The following PHTF1 variants were observed in gnomAD, a reference collection of about 807,000 sequenced individuals.
The protein encoded by PHTF1 is protein PHTF1.
Under a neutral mutation model 102.4 loss-of-function variants are expected in PHTF1, and 88 were observed. The ratio of observed to expected loss-of-function variants is 0.86; its 90% CI spans 0.72 to 1.03. The LOEUF (loss-of-function observed/expected upper bound fraction) is 1.03, where lower values mean the gene tolerates loss of function less well. Among genes scored for constraint, PHTF1 ranks in the 50% least tolerant of loss-of-function variants. The pLI is 0.00. For missense variants in PHTF1, 814 were observed against 909.5 expected, an observed-to-expected ratio of 0.89 and a Z score of 1.35; for synonymous variants, 289 against 305.2, an observed-to-expected ratio of 0.95 and a Z score of 0.55.
intron 10 of PHTF1, among the ~76,000 whole-genome samples, chr1:113,711,037 T>C (rs971193215): frequency 6.6e-6 from 1 of 152,048 alleles, no homozygotes; most frequent in Non-Finnish European, 1.5e-5. Context: ...ATGGAACTGA[T>C]CAACTAAGGT....
At position 113,711,807 on chromosome 1, in the gene PHTF1, T is replaced by C. The variant is rs1651132989; in HGVS notation, c.986A>G (p.His329Arg). 15 of 1,613,900 alleles carry C rather than the reference T, an allele frequency of 9.3e-6. No homozygotes were observed. In the East Asian group the frequency reaches 3.1e-4, roughly 34 times the overall value. The change falls in exon 10 of 19, where the codon CAT becomes CGT. Residue 329 changes from histidine to arginine, a missense_variant. Coordinates refer to ENST00000369604, the MANE Select transcript of PHTF1 (RefSeq NM_001323043.2). ...QVKKTTTRWC[H>R]IVRDSDSLAE... ...CAGACTATCTGAATCCCGCACAATATGACACCACCTTGTAGTGGTTTTCTT... is the reference window on the plus strand; with the variant it reads ...CAGACTATCTGAATCCCGCACAATACGACACCACCTTGTAGTGGTTTTCTT...
chr1:113,738,680 C>G, intron 4 of PHTF1, 50 bp downstream of exon 4: 1 of 1,037,440 alleles, frequency 9.6e-7, no homozygotes, highest in Non-Finnish European at 1.5e-6. Context: ...AATTAAGCAT[C>G]CCTGTGAAAT....
chr1:113,711,654 T>C, intron 10 of PHTF1, 92 bp downstream of exon 10: 3 of 904,056 alleles, frequency 3.3e-6, no homozygotes, highest in South Asian at 3.0e-5. Context: ...AATATTAATG[T>C]AAATGCTACT....
intron 7 of PHTF1, among the ~76,000 whole-genome samples, chr1:113,722,958 AT>A (rs1271910225): frequency 1.9e-4 from 28 of 148,380 alleles, no homozygotes; most frequent in African/African-American, 6.4e-4. Context: ...AAATAAATAA[AT>A]AAATAAAAAT....
In PHTF1 at chr1:113,704,173, GAGTGA is replaced by G; in HGVS notation, c.1804-11_1804-7del. ...GAACGCTGTGGCCCCCGTCTCTGTG[GAGTGA>G]GACACATGTGTTAATGTTTTAGTTA... On this transcript the variant is annotated splice_region_variant and splice_polypyrimidine_tract_variant and intron_variant, in intron 14 of 18. Coordinates refer to ENST00000369604, the MANE Select transcript of PHTF1 (RefSeq NM_001323043.2). The G allele has an allele frequency of 3.1e-6, 5 of 1,599,090 alleles. No individual in the cohort carries two copies. Among genetic ancestry groups the G allele is most frequent in the Non-Finnish European group, 4.3e-6 (5 of 1,167,764 alleles).
In PHTF1 at chr1:113,711,832, T is replaced by C. The variant is rs967020038; in HGVS notation, c.961A>G (p.Lys321Glu). 3 of 1,613,438 alleles carry C rather than the reference T, an allele frequency of 1.9e-6. No individual in the cohort carries two copies. The highest frequency in any genetic ancestry group is 1.6e-4 in the Middle Eastern group (1 of 6,082). ...TGACACCACCTTGTAGTGGTTTTCT[T>C]TACCTGCCAAAAATCAAACCAACAA... is the stretch of plus-strand genomic sequence containing the variant. The part of the protein sequence containing the change: ...ILSRHLNSQV[K>E]KTTTRWCHIV... Residue 321 changes from lysine to glutamate, a missense_variant, in exon 10 of 19, where the codon AAG becomes GAG. Physicochemically the swap from Lys to Glu is moderately conservative, Grantham distance 56. Transcript: ENST00000369604.
chr1:113,755,483 T>C (rs766643807), intron 3 of PHTF1, among the ~76,000 whole-genome samples: 18 of 152,194 alleles, frequency 1.2e-4, no homozygotes, highest in Non-Finnish European at 2.4e-4. Context: ...ATAGTTATTT[T>C]ACATTTCATT....
intron 3 of PHTF1, among the ~76,000 whole-genome samples, chr1:113,745,257 AG>A (rs1274090254): frequency 2.0e-5 from 3 of 152,164 alleles, no homozygotes; most frequent in Non-Finnish European, 4.4e-5. Context: ...TAAGGGTACT[AG>A]GAAGTCAGGA....
intron 3 of PHTF1, among the ~76,000 whole-genome samples, chr1:113,739,151 C>T (rs944022497): frequency 2.0e-5 from 3 of 152,114 alleles, no homozygotes; most frequent in African/African-American, 7.2e-5. Context: ...CTGCGCCCAG[C>T]CAGAAAAGCC....
At chr1:113,758,572 C>G in intron 2 of PHTF1, 87 bp downstream of exon 2, 1 of 622,324 alleles carries the variant, frequency 1.6e-6, no homozygotes, top group Non-Finnish European at 2.6e-6. Context: ...CACTACTAAA[C>G]TCGGGGGAAA....
chr1:113,756,465 A>G (rs889513487), intron 3 of PHTF1, among the ~76,000 whole-genome samples: 12 of 152,220 alleles, frequency 7.9e-5, no homozygotes, highest in Admixed American at 7.9e-4. Flanking sequence ...ACTTTTTGAA[A>G]GGTAATGCAA....
chr1:113,724,404 C>T (rs921754645), intron 7 of PHTF1, among the ~76,000 whole-genome samples: 12 of 151,848 alleles, frequency 7.9e-5, no homozygotes, highest in Admixed American at 2.6e-4. Flanking sequence ...CTGGGTGTGG[C>T]GGCGGGCACC....
chr1:113,699,751 G>T lies in PHTF1; in HGVS notation c.2095C>A (p.Leu699Ile). The T allele has an allele frequency of 6.8e-7, 1 of 1,469,394 alleles. No individual in the cohort carries two copies. Among genetic ancestry groups the T allele is most frequent in the Non-Finnish European group, 9.4e-7 (1 of 1,061,522 alleles). The allele number at this position is 1,469,394 out of a possible 1,614,324, so 91.0% of individuals were successfully genotyped here. A position where few individuals can be genotyped will look rare whatever the true frequency, so the allele number is the denominator to read the frequency against. The part of the protein sequence containing the change: ...MEKKPNKKEQ[L>I]TLVNNVLKLS... ...TTTAATACATTGTTTACTAGAGTAA[G>T]CTGTTCTTTCTTATTTGGCTTTTTT... Residue 699 changes from leucine to isoleucine, a missense_variant, in exon 17 of 19, where the codon CTT becomes ATT. Coordinates refer to ENST00000369604, the MANE Select transcript of PHTF1 (RefSeq NM_001323043.2).
At chr1:113,749,544 C>G (rs1329092428) in intron 3 of PHTF1, 1 of 152,236 alleles carries the variant, frequency 6.6e-6, no homozygotes, top group Admixed American at 6.5e-5. Context: ...GAATCCAGAA[C>G]TTCTCTGGCT....
intron 7 of PHTF1, among the ~76,000 whole-genome samples, chr1:113,719,003 T>C (rs1041384400): frequency 6.8e-6 from 1 of 147,056 alleles, no homozygotes; most frequent in Admixed American, 6.8e-5. Flanking sequence ...TCTTTTCTTC[T>C]TTTTTTTTTT....
rs531788174 is a variant in PHTF1 at position 113,726,893 on chromosome 1, AG to A, written c.332-320del. ...CATTTTGAAGTGCTGTGTTGCTCAA[AG>A]GAAGAGTATTTTCCAAGGCTACACA... On this transcript the variant is annotated intron_variant, in intron 5 of 18. Transcript: ENST00000369604. 8.3e-4 allele frequency among the ~76,000 whole-genome samples: 127 copies of A among 152,334 alleles called. 4 individuals carry two copies. The South Asian group carries it at 0.025, about 30-fold the overall frequency.
chr1:113,746,651 G>A (rs1407782938), intron 3 of PHTF1, among the ~76,000 whole-genome samples: 5 of 152,116 alleles, frequency 3.3e-5, no homozygotes, highest in Admixed American at 2.6e-4. Flanking sequence ...TATTGGTATA[G>A]CCAATATACG....
intron 10 of PHTF1, 118 bp downstream of exon 10, chr1:113,711,628 C>G: frequency 1.4e-6 from 1 of 691,816 alleles, no homozygotes; most frequent in Non-Finnish European, 2.5e-6. Flanking sequence ...TAATTGGAGA[C>G]AGGGAAGGGC....
chr1:113,731,356 G>C (rs545835146), intron 5 of PHTF1, among the ~76,000 whole-genome samples: 5 of 151,374 alleles, frequency 3.3e-5, no homozygotes, highest in Admixed American at 6.6e-5. Context: ...AATATAGCGA[G>C]AGCCCATCTC....
Sources: allele counts gnomAD v4.1 joint callset (sites outside exome capture counted in the v4.1 genomes callset), GRCh38; gene constraint gnomAD v4.1.1; transcripts MANE v1.5; gene names NCBI Gene and HGNC (gene_info 2026-07-23, HGNC 2026-07-21).